Variants in ZNF692 observed in about 807,000 individuals in gnomAD.
ZNF692 encodes AICAR responsive element binding protein.
ZNF692 carries 41 observed loss-of-function variants against 49.0 expected under a neutral mutation model. That is an observed-to-expected ratio of 0.84 (90% CI 0.65 to 1.08). ZNF692 has a LOEUF of 1.08. Among genes scored for constraint, ZNF692 ranks in the 50% least tolerant of loss-of-function variants. ZNF692 has a pLI of 0.00. For missense variants in ZNF692, 662 were observed against 662.2 expected, an observed-to-expected ratio of 1.00 and a Z score of 0.00; for synonymous variants, 288 against 251.5, an observed-to-expected ratio of 1.15 and a Z score of -1.37.
At chr1:248,852,937 T>C (rs114612442) in intron 10 of ZNF692, among the ~76,000 whole-genome samples, 3,975 of 152,288 alleles carry the variant, frequency 0.026, 172 homozygotes, top group African/African-American at 0.09. Context: ...TTTATATTTT[T>C]GCCTGACATC....
chr1:248,857,821 T>C lies in ZNF692; in HGVS notation c.211+7A>G. 1 of 1,613,560 alleles carries C rather than the reference T, an allele frequency of 6.2e-7. No individual in the cohort carries two copies. Among genetic ancestry groups the C allele is most frequent in the Non-Finnish European group, 8.5e-7 (1 of 1,179,632 alleles). ...CTGGCTCTCACCCCCTGCCATCCCCTACCTACCTGCACAGAGGACACAGCC... is the reference window on the plus strand; with the variant it reads ...CTGGCTCTCACCCCCTGCCATCCCCCACCTACCTGCACAGAGGACACAGCC... On this transcript the variant is annotated splice_region_variant and intron_variant, in intron 3 of 11. Transcript: ENST00000306601.
At chr1:248,851,786 G>C (rs370783881) in intron 10 of ZNF692, among the ~76,000 whole-genome samples, 20 of 152,264 alleles carry the variant, frequency 1.3e-4, no homozygotes, top group African/African-American at 3.9e-4. Context: ...AGATACAGTG[G>C]GTTAGGAGGA....
At chr1:248,853,686 G>A (rs1659885893) in intron 10 of ZNF692, among the ~76,000 whole-genome samples, 1 of 152,204 alleles carries the variant, frequency 6.6e-6, no homozygotes, top group South Asian at 2.1e-4. Flanking sequence ...TCTCAAGAGG[G>A]TTAGCGCTGC....
Position 248,850,687 on chromosome 1 carries a change from G to T in ZNF692, c.1248C>A (p.Pro416=). The T allele has an allele frequency of 6.2e-7, 1 of 1,614,052 alleles. No individual in the cohort carries two copies. The highest frequency in any genetic ancestry group is 2.2e-5 in the East Asian group (1 of 44,870). Residue 416 remains proline, a synonymous_variant, in exon 11 of 12, where the codon CCC becomes CCA. Coordinates refer to ENST00000306601, the MANE Select transcript of ZNF692 (RefSeq NM_017865.4). ...GACCCCACCCCAGCACTCACTGCAGGGGTTTTTCTCCAGTGTGGATACGTC... is the reference window on the plus strand; with the variant it reads ...GACCCCACCCCAGCACTCACTGCAGTGGTTTTTCTCCAGTGTGGATACGTC... ...IHRRIHTGEK[P]LQCEICGFTC... is the part of the protein sequence containing the mutation.
In ZNF692 at chr1:248,858,125, C is replaced by G. The variant is rs1660458777; in HGVS notation, c.179+6G>C. Reference sequence around the variant, plus strand: ...CCTCCCCCAAGCCCTTCTCCCGGCCCCTAACCGGTCCAACAGGAACTTGGC... The same window carrying G: ...CCTCCCCCAAGCCCTTCTCCCGGCCGCTAACCGGTCCAACAGGAACTTGGC... On this transcript the variant is annotated splice_donor_region_variant and intron_variant, in intron 2 of 11. Transcript: ENST00000306601. This position sits in a 1 kb window ranked among gnomAD's most constrained non-coding sequence, Gnocchi z 4.3. 6.4e-6 allele frequency: 10 copies of G among 1,563,870 alleles called. No individual in the cohort carries two copies. The highest frequency in any genetic ancestry group is 8.6e-6 in the Non-Finnish European group (10 of 1,157,626).
chr1:248,858,272 C>T lies in ZNF692; in HGVS notation c.38G>A (p.Arg13Gln), dbSNP rs11544422. ...SSPAVDVSCR[R>Q]REKRRQLDAR... is the part of the protein sequence containing the mutation. ...GTCCAGCTGCCGCCGCTTCTCCCGCCGCCTGCAGGACACGTCCACCGCCGG... is the reference window on the plus strand; with the variant it reads ...GTCCAGCTGCCGCCGCTTCTCCCGCTGCCTGCAGGACACGTCCACCGCCGG... Residue 13 changes from arginine (R) to glutamine (Q), a missense_variant, in exon 2 of 12, where the codon CGG becomes CAG. By Grantham distance (43) the Arg-to-Gln change is conservative. Transcript: ENST00000306601. This position sits in a 1 kb window ranked among gnomAD's most constrained non-coding sequence, Gnocchi z 4.3. 1.3e-6 allele frequency: 2 copies of T among 1,583,400 alleles called. No homozygotes were observed. Among genetic ancestry groups the T allele is most frequent in the Non-Finnish European group, 1.7e-6 (2 of 1,163,596 alleles).
rs202224273 is a variant in ZNF692 at position 248,856,508 on chromosome 1, C to T, written c.524+6G>A. The T allele has an allele frequency of 3.6e-5, 58 of 1,614,250 alleles. No homozygotes were observed. In the South Asian group the frequency reaches 3.6e-4, roughly 10 times the overall value. On this transcript the variant is annotated splice_donor_region_variant and intron_variant, in intron 5 of 11. Transcript: ENST00000306601. ...TCCGCCTTTTCTCTCCTATCCACAT[C>T]CTCACCTGGGCAACCTGGCCTCTTG...
rs1659922993 is a variant in ZNF692, at chr1:248,853,993, C to T, written c.1097G>A (p.Cys366Tyr). The part of the protein sequence containing the change: ...QKSFSCPEPA[C>Y]GKSFNFKKHL... ...TTTCTTAAAGTTGAAAGACTTCCCA[C>T]AGGCTGGCTCTGGGCAGGAGAAAGA... The change falls in exon 10 of 12, where the codon TGT becomes TAT. Residue 366 changes from cysteine to tyrosine, a missense_variant. By Grantham distance (194) the Cys-to-Tyr change is radical. Coordinates refer to ENST00000306601, the MANE Select transcript of ZNF692 (RefSeq NM_017865.4). 6.2e-7 allele frequency: 1 copy of T among 1,614,118 alleles called. No homozygotes were observed. The highest frequency in any genetic ancestry group is 1.3e-5 in the African/African-American group (1 of 74,942).
rs1659362062 is a variant in ZNF692 at position 248,850,044 on chromosome 1, CTA to C, written c.*164_*165del. ...CTGTTTATTTTGTCCTTTAGGAAGA[CTA>C]AAGTAGTCCAGCTCCCCTACAGCCC... is the stretch of plus-strand genomic sequence containing the variant. On this transcript the variant is annotated 3_prime_UTR_variant, in exon 12 of 12. Transcript: ENST00000306601. The C allele has an allele frequency of 1.5e-6, 1 of 657,256 alleles. No individual in the cohort carries two copies. The highest frequency in any genetic ancestry group is 2.4e-6 in the Non-Finnish European group (1 of 410,566). 40.7% of individuals were successfully genotyped at this position (657,256 alleles called of 1,614,324 possible).
rs1459133146 is a variant in ZNF692, at chr1:248,855,394, G to A, written c.1024C>T (p.Arg342Trp). 6.2e-6 allele frequency: 10 copies of A among 1,614,094 alleles called. No individual in the cohort carries two copies. The highest frequency in any genetic ancestry group is 2.7e-5 in the African/African-American group (2 of 75,008). The change falls in exon 9 of 12, where the codon CGG (arginine) becomes TGG (tryptophan). Residue 342 changes from arginine (R) to tryptophan (W), a missense_variant. Arg to Trp is a moderately radical substitution (Grantham distance 101). Coordinates refer to ENST00000306601, the MANE Select transcript of ZNF692 (RefSeq NM_017865.4). ...FPGCGRIFSN[R>W]QYLNHHKKYQ... is the part of the protein sequence containing the mutation. ...GTGCCCCTCACATTCAAATACTGCC[G>A]GTTGGAGAAGATCCTTCCACAGCCA...
chr1:248,852,506 C>T (rs1362455210), intron 10 of ZNF692, among the ~76,000 whole-genome samples: 1 of 152,178 alleles, frequency 6.6e-6, no homozygotes, highest in Non-Finnish European at 1.5e-5. Flanking sequence ...CATCTCCATG[C>T]CCTGAGCCCA....
At chr1:248,851,643 C>G (rs1458273664) in intron 10 of ZNF692, among the ~76,000 whole-genome samples, 1 of 152,112 alleles carries the variant, frequency 6.6e-6, no homozygotes, top group Admixed American at 6.6e-5. Flanking sequence ...CTGTCAGCCA[C>G]TACTCCTGCT....
intron 2 of ZNF692, 111 bp from the exon 3 acceptor site, chr1:248,857,970 TGAG>T (rs775131677): frequency 2.3e-5 from 36 of 1,558,140 alleles, no homozygotes; most frequent in Non-Finnish European, 3.0e-5. Context: ...GCTGAGACCA[TGAG>T]GAGGGGAGCA....
chr1:248,853,838 G>T, intron 10 of ZNF692, 99 bp downstream of exon 10: 1 of 860,512 alleles, frequency 1.2e-6, no homozygotes, highest in South Asian at 1.6e-5. Flanking sequence ...ACAGGACCCC[G>T]TAGAGGGGGA....
Position 248,858,931 on chromosome 1 carries a change from C to G in ZNF692, c.-26G>C, listed in dbSNP as rs926440771. ...CCCCGGCCTTACCTGTGCGCCCCCA[C>G]GCGCCCTCACCCCCACTGCGCCTGC... On this transcript the variant is annotated 5_prime_UTR_variant, in exon 1 of 12. Coordinates refer to ENST00000306601, the MANE Select transcript of ZNF692 (RefSeq NM_017865.4). This position sits in a 1 kb window ranked among gnomAD's most constrained non-coding sequence, Gnocchi z 4.3. The G allele has an allele frequency of 4.4e-6, 1 of 227,404 alleles. No homozygotes were observed. The highest frequency in any genetic ancestry group is 8.9e-6 in the Non-Finnish European group (1 of 111,944). The allele number at this position is 227,404 out of a possible 1,614,324, so 14.1% of individuals were successfully genotyped here.
rs765343009 is a variant in ZNF692 at position 248,858,530 on chromosome 1, T to TGGGA, written c.-12-213_-12-210dup. 1 of 1,551,300 alleles carries TGGGA rather than the reference T, an allele frequency of 6.4e-7. No homozygotes were observed. Among genetic ancestry groups the TGGGA allele is most frequent in the Non-Finnish European group, 8.7e-7 (1 of 1,146,922 alleles). On this transcript the variant is annotated intron_variant, in intron 1 of 11. Transcript: ENST00000306601. This position sits in a 1 kb window ranked among gnomAD's most constrained non-coding sequence, Gnocchi z 4.3. The stretch of plus-strand genomic sequence containing the variant: ...GCGCTACCATGTGAGTGTCGTCGGG[T>TGGGA]GGGAGGCAGGCAGACAGAAGCAGTC...
rs191585578 is a variant in ZNF692 at position 248,854,404 on chromosome 1, C to G, written c.1039-353G>C. ...CCCCTGGTTCACCTAATCATGAATG[C>G]ACTATCTGCTGCAGAGGGGAAAGCA... On this transcript the variant is annotated intron_variant, in intron 9 of 11. Transcript: ENST00000306601. The G allele has an allele frequency of 1.5e-4, 32 of 211,638 alleles. No individual in the cohort carries two copies. The East Asian group carries it at 1.8e-3, about 12-fold the overall frequency. The allele number at this position is 211,638 out of a possible 1,614,324, so 13.1% of individuals were successfully genotyped here.
intron 2 of ZNF692, 43 bp from the exon 3 acceptor site, chr1:248,857,902 C>T (rs531972464): frequency 1.2e-6 from 2 of 1,608,774 alleles, no homozygotes; most frequent in South Asian, 2.2e-5. Context: ...AGGTGGCCAG[C>T]CACCCTCAGC....
chr1:248,855,196 T>G (rs1660081214), intron 9 of ZNF692, among the ~76,000 whole-genome samples, 184 bp downstream of exon 9: 1 of 152,118 alleles, frequency 6.6e-6, no homozygotes, highest in Non-Finnish European at 1.5e-5. Flanking sequence ...GTCTGCAAAG[T>G]GGGAATAATA....
Sources: gnomAD v4.1 joint callset for allele counts (sites outside exome capture counted in the v4.1 genomes callset) on GRCh38, gnomAD v4.1.1 for gene constraint, Gnocchi (gnomAD v3.1) non-coding constraint, MANE v1.5 for transcripts, NCBI Gene and HGNC (gene_info 2026-07-23, HGNC 2026-07-21) for gene names.